EEIG2: variants seen among roughly 807,000 people sequenced by gnomAD.
EEIG2 encodes EEIG family member 2.
chr1:108,594,030 A>G, the EEIG2 span, among the ~76,000 whole-genome samples: 4 of 151,970 alleles, frequency 2.6e-5, no homozygotes, highest in Non-Finnish European at 4.4e-5. Context: ...CTGGTCCCGA[A>G]CTCCTGAGCT....
the EEIG2 span, among the ~76,000 whole-genome samples, chr1:108,611,284 A>C: frequency 1.3e-5 from 2 of 152,216 alleles, no homozygotes; most frequent in Admixed American, 1.3e-4. Flanking sequence ...GTTGCAACTC[A>C]ATTCATTTTT....
the EEIG2 span, among the ~76,000 whole-genome samples, chr1:108,577,138 G>A: frequency 4.7e-5 from 5 of 106,534 alleles, no homozygotes; most frequent in African/African-American, 1.4e-4. Flanking sequence ...ACTTTTTGAT[G>A]GGGTTGTTTG....
At chr1:108,621,057 G>A in the EEIG2 span, among the ~76,000 whole-genome samples, 1 of 152,164 alleles carries the variant, frequency 6.6e-6, no homozygotes, top group South Asian at 2.1e-4. Context: ...CTGTGCACAA[G>A]TTTATGCCAT....
chr1:108,609,885 G>A, the EEIG2 span, among the ~76,000 whole-genome samples: 4 of 152,152 alleles, frequency 2.6e-5, no homozygotes, highest in African/African-American at 9.6e-5. Flanking sequence ...GAGGGGATCA[G>A]CACACACTGG....
chr1:108,616,124 CTTTT>C, the EEIG2 span, among the ~76,000 whole-genome samples: 4 of 129,800 alleles, frequency 3.1e-5, no homozygotes, highest in Admixed American at 1.6e-4. Flanking sequence ...CCCACTTCTT[CTTTT>C]TTTTTTTTTT....
chr1:108,570,173 G>A, the EEIG2 span, among the ~76,000 whole-genome samples: 1 of 152,244 alleles, frequency 6.6e-6, no homozygotes, highest in Non-Finnish European at 1.5e-5. Flanking sequence ...GTCAGGGGAA[G>A]TGTCATGGAA....
At chr1:108,560,109 G>T in the EEIG2 span, 1 of 178,992 alleles carries the variant, frequency 5.6e-6, no homozygotes, top group South Asian at 1.4e-4. Flanking sequence ...CAGACGGGCG[G>T]CAGCGGCGGC....
At chr1:108,593,215 C>A in the EEIG2 span, among the ~76,000 whole-genome samples, 1 of 152,094 alleles carries the variant, frequency 6.6e-6, no homozygotes, top group African/African-American at 2.4e-5. Context: ...AAGTCCAGGG[C>A]TACATGTTTC....
At chr1:108,617,873 C>T in the EEIG2 span, among the ~76,000 whole-genome samples, 3 of 152,146 alleles carry the variant, frequency 2.0e-5, no homozygotes, top group Non-Finnish European at 4.4e-5. Context: ...AAAATGAGGA[C>T]TGAGGATTGA....
At chr1:108,610,749 T>A in the EEIG2 span, among the ~76,000 whole-genome samples, 1 of 152,138 alleles carries the variant, frequency 6.6e-6, no homozygotes, top group South Asian at 2.1e-4. Context: ...GCCAACACGG[T>A]GAAATCCCAT....
At chr1:108,604,209 G>A in the EEIG2 span, among the ~76,000 whole-genome samples, 1 of 152,184 alleles carries the variant, frequency 6.6e-6, no homozygotes, top group African/African-American at 2.4e-5. Flanking sequence ...GGGATTGGAC[G>A]CAGTAGATCA....
At chr1:108,638,546 G>A in the EEIG2 span, 1 of 152,150 alleles carries the variant, frequency 6.6e-6, no homozygotes, top group East Asian at 1.9e-4. Context: ...GACAAACTGG[G>A]CTCATATGAC....
chr1:108,582,245 C>G, the EEIG2 span, among the ~76,000 whole-genome samples: 1 of 152,154 alleles, frequency 6.6e-6, no homozygotes, highest in Non-Finnish European at 1.5e-5. Flanking sequence ...ATGAATGTGA[C>G]TCACTTTATT....
the EEIG2 span, among the ~76,000 whole-genome samples, chr1:108,610,722 A>C: frequency 1.3e-5 from 2 of 152,106 alleles, no homozygotes; most frequent in African/African-American, 4.8e-5. Flanking sequence ...CGAGGTCAGG[A>C]GATCGAGACC....
At chr1:108,573,445 A>G in the EEIG2 span, among the ~76,000 whole-genome samples, 1,459 of 152,306 alleles carry the variant, frequency 9.6e-3, 23 homozygotes, top group African/African-American at 0.033. Context: ...ACAGTACCTC[A>G]TATAGCCTTG....
At chr1:108,576,089 C>A in the EEIG2 span, among the ~76,000 whole-genome samples, 1 of 152,064 alleles carries the variant, frequency 6.6e-6, no homozygotes, top group African/African-American at 2.4e-5. Context: ...TCAAGCAATC[C>A]GCTCACCTCA....
At chr1:108,561,348 A>C in the EEIG2 span, among the ~76,000 whole-genome samples, 1 of 152,208 alleles carries the variant, frequency 6.6e-6, no homozygotes, top group African/African-American at 2.4e-5. Flanking sequence ...TGACAGATGT[A>C]CCCTAAGGTG....
At chr1:108,609,716 A>G in the EEIG2 span, among the ~76,000 whole-genome samples, 4 of 152,156 alleles carry the variant, frequency 2.6e-5, no homozygotes, top group Admixed American at 2.0e-4. Flanking sequence ...ACCGCAGAGA[A>G]AACTCTTCCA....
chr1:108,619,585 C>T, the EEIG2 span, among the ~76,000 whole-genome samples: 50 of 152,162 alleles, frequency 3.3e-4, no homozygotes, highest in Non-Finnish European at 6.3e-4. Context: ...CTACAAAATC[C>T]TTTGCTCAAA....
Sources: allele counts gnomAD v4.1 joint callset (sites outside exome capture counted in the v4.1 genomes callset), GRCh38; gene constraint gnomAD v4.1.1; transcripts MANE v1.5; gene names NCBI Gene and HGNC (gene_info 2026-07-23, HGNC 2026-07-21).